Variants in CADM2 observed in about 807,000 individuals in gnomAD.
CADM2 encodes the protein immunoglobulin superfamily member 4D.
Under a neutral mutation model 49.8 loss-of-function variants are expected in CADM2, and 12 were observed. That is an observed-to-expected ratio of 0.24 (90% CI 0.15 to 0.39). CADM2 has a LOEUF of 0.39. CADM2 is among the 10% of genes least tolerant of loss of function. CADM2 has a pLI of 1.00. For synonymous variants in CADM2, 214 were observed against 175.4 expected, an observed-to-expected ratio of 1.22 and a Z score of -1.74; for missense variants, 378 against 492.3, an observed-to-expected ratio of 0.77 and a Z score of 2.20.
chr3:85,359,497 G>A (rs1324206872), intron 1 of CADM2, among the ~76,000 whole-genome samples: 1 of 150,752 alleles, frequency 6.6e-6, no homozygotes, highest in South Asian at 2.1e-4. Flanking sequence ...CAAGTTGTGT[G>A]TCAGTGAAAT....
intron 1 of CADM2, among the ~76,000 whole-genome samples, chr3:85,509,198 C>G (rs183193763): frequency 3.3e-5 from 5 of 152,204 alleles, no homozygotes; most frequent in African/African-American, 1.2e-4. Context: ...TCTTTCCAAT[C>G]TTAAATGCTA....
intron 1 of CADM2, among the ~76,000 whole-genome samples, chr3:85,518,634 T>A (rs1415131155): frequency 6.6e-6 from 1 of 152,174 alleles, no homozygotes; most frequent in African/African-American, 2.4e-5. Flanking sequence ...AAGGGAGGAA[T>A]CTGTTCCTTG....
chr3:85,841,158 A>C (rs1577448929), intron 3 of CADM2, among the ~76,000 whole-genome samples: 1 of 152,006 alleles, frequency 6.6e-6, no homozygotes, highest in East Asian at 1.9e-4. Context: ...TGATAACATG[A>C]AACTTTTCAG....
rs2107334475 is a variant in CADM2 at position 85,589,499 on chromosome 3, A to G, written c.62-137023A>G. On this transcript the variant is annotated intron_variant, in intron 1 of 9. Coordinates refer to ENST00000383699, the MANE Select transcript of CADM2 (RefSeq NM_001167675.2). Reference sequence around the variant, plus strand: ...CCCTGTCTCAGAATTGTTCTGTCATAGGTACCAGATTCCATGCTTCATTAG... The same window carrying G: ...CCCTGTCTCAGAATTGTTCTGTCATGGGTACCAGATTCCATGCTTCATTAG... Among the ~76,000 whole-genome samples the G allele has an allele frequency of 1.3e-5, 2 of 152,130 alleles. 1 individual carries two copies. Among genetic ancestry groups the G allele is most frequent in the East Asian group, 3.9e-4 (2 of 5,152 alleles).
intron 1 of CADM2, among the ~76,000 whole-genome samples, chr3:85,513,642 T>A (rs1471340572): frequency 6.6e-6 from 1 of 151,996 alleles, no homozygotes; most frequent in Non-Finnish European, 1.5e-5. Flanking sequence ...TTCCTTTAAA[T>A]AAAGAGTAGA....
At chr3:85,610,473 T>G (rs1274033258) in intron 1 of CADM2, among the ~76,000 whole-genome samples, 3 of 151,910 alleles carry the variant, frequency 2.0e-5, no homozygotes, top group Non-Finnish European at 2.9e-5. Context: ...TGAGTGAAAA[T>G]GATCAATATT....
intron 1 of CADM2, among the ~76,000 whole-genome samples, chr3:85,209,802 C>T (rs535662699): frequency 6.6e-6 from 1 of 152,078 alleles, no homozygotes. Flanking sequence ...TTTCCAGAAC[C>T]TTTGAAAAGT....
At chr3:85,869,657 G>GTTA (rs913195130) in intron 3 of CADM2, among the ~76,000 whole-genome samples, 16 of 151,250 alleles carry the variant, frequency 1.1e-4, no homozygotes, top group African/African-American at 2.2e-4. Context: ...TTTTTATATT[G>GTTA]TTATTATTAT....
chr3:85,024,306 GT>G (rs1441868455), intron 1 of CADM2, among the ~76,000 whole-genome samples: 5 of 152,056 alleles, frequency 3.3e-5, no homozygotes, highest in Admixed American at 2.6e-4. Flanking sequence ...TAGTTTTCCA[GT>G]TTTATAGACA....
Position 86,070,455 on chromosome 3 carries a change from GGTAAT to G in CADM2, c.*3673_*3677del, listed in dbSNP as rs1023645891. 17 of 151,940 alleles carry G rather than the reference GGTAAT, an allele frequency of 1.1e-4. No homozygotes were observed. Among genetic ancestry groups the G allele is most frequent in the African/African-American group, 4.1e-4 (17 of 41,536 alleles). 9.4% of individuals were successfully genotyped at this position (151,940 alleles called of 1,614,324 possible). ...CCTTTTGTTTTTCTTTGGACATCAA[GGTAAT>G]TTAGTGGACAACAAATATTAAATTT... On this transcript the variant is annotated 3_prime_UTR_variant, in exon 10 of 10. Transcript: ENST00000383699.
chr3:85,542,826 C>G (rs2061577410), intron 1 of CADM2, among the ~76,000 whole-genome samples: 1 of 152,010 alleles, frequency 6.6e-6, no homozygotes, highest in Middle Eastern at 3.2e-3. Flanking sequence ...ATATGTTAAC[C>G]CTAACGTCAA....
At chr3:86,011,753 T>C (rs13065014) in intron 8 of CADM2, among the ~76,000 whole-genome samples, 46,301 of 151,698 alleles carry the variant, frequency 0.31, 8,379 homozygotes, top group Admixed American at 0.39. Flanking sequence ...GAGAAATATG[T>C]AAAAAAAGAA....
At chr3:85,514,608 T>C (rs922723168) in intron 1 of CADM2, among the ~76,000 whole-genome samples, 1 of 152,102 alleles carries the variant, frequency 6.6e-6, no homozygotes, top group Non-Finnish European at 1.5e-5. Flanking sequence ...TCTGAGAAAG[T>C]CTCTTATTCA....
intron 1 of CADM2, among the ~76,000 whole-genome samples, chr3:85,393,398 G>A (rs1453766765): frequency 6.6e-6 from 1 of 152,188 alleles, no homozygotes; most frequent in African/African-American, 2.4e-5. Flanking sequence ...TCAATGATGG[G>A]AGAAAGCTGT....
intron 7 of CADM2, among the ~76,000 whole-genome samples, chr3:85,938,310 G>C (rs1577711627): frequency 6.6e-6 from 1 of 152,140 alleles, no homozygotes; most frequent in East Asian, 1.9e-4. Context: ...AAATCTTACT[G>C]ATCGTAAAGA....
chr3:85,498,694 C>T (rs753767420), intron 1 of CADM2, among the ~76,000 whole-genome samples: 13 of 152,086 alleles, frequency 8.5e-5, no homozygotes, highest in African/African-American at 1.2e-4. Flanking sequence ...TGGATTTAAA[C>T]GGAAACACGC....
intron 1 of CADM2, among the ~76,000 whole-genome samples, chr3:85,652,371 A>T (rs186636191): frequency 2.0e-4 from 31 of 152,278 alleles, no homozygotes; most frequent in Admixed American, 1.9e-3. Flanking sequence ...CATATATATG[A>T]TATCCGTTTA....
intron 1 of CADM2, among the ~76,000 whole-genome samples, chr3:85,340,060 A>C (rs2045198210): frequency 6.6e-6 from 1 of 151,600 alleles, no homozygotes; most frequent in African/African-American, 2.4e-5. Context: ...AAGTAAAAAT[A>C]ACTGAATATA....
intron 1 of CADM2, among the ~76,000 whole-genome samples, chr3:85,170,051 A>G (rs1034435924): frequency 6.6e-6 from 1 of 152,194 alleles, no homozygotes; most frequent in African/African-American, 2.4e-5. Flanking sequence ...AACCCTCAAT[A>G]GAAATATGGC....
Sources: allele counts gnomAD v4.1 joint callset (sites outside exome capture counted in the v4.1 genomes callset), GRCh38; gene constraint gnomAD v4.1.1; transcripts MANE v1.5; gene names NCBI Gene and HGNC (gene_info 2026-07-23, HGNC 2026-07-21).